PREX2: variants seen among roughly 807,000 people sequenced by gnomAD.
The protein encoded by PREX2 is phosphatidylinositol 3,4,5-trisphosphate-dependent Rac exchanger 2 protein.
PREX2 carries 107 observed loss-of-function variants against 203.2 expected under a neutral mutation model. The observed-to-expected ratio is 0.53, with a 90% CI of 0.45 to 0.62. The LOEUF is 0.62. Among genes scored for constraint, PREX2 ranks in the 20% least tolerant of loss-of-function variants. The pLI is 0.00. For synonymous variants in PREX2, 672 were observed against 663.6 expected, an observed-to-expected ratio of 1.01 and a Z score of -0.19; for missense variants, 1,777 against 1,955.9, an observed-to-expected ratio of 0.91 and a Z score of 1.72.
intron 8 of PREX2, among the ~76,000 whole-genome samples, chr8:68,047,183 C>A (rs968488442): frequency 9.2e-5 from 14 of 151,906 alleles, no homozygotes; most frequent in African/African-American, 3.4e-4. Flanking sequence ...GCTGCATGAA[C>A]TTTCTTCCTT....
intron 31 of PREX2, among the ~76,000 whole-genome samples, chr8:68,132,561 C>T (rs1811029028): frequency 6.6e-6 from 1 of 152,008 alleles, no homozygotes; most frequent in Admixed American, 6.6e-5. Context: ...ATCATAGAAA[C>T]TAAATTATGT....
At chr8:68,007,842 C>A (rs529679407) in intron 1 of PREX2, among the ~76,000 whole-genome samples, 1 of 152,224 alleles carries the variant, frequency 6.6e-6, no homozygotes, top group African/African-American at 2.4e-5. Context: ...ATCTCCTGAC[C>A]TCATGATCCG....
At chr8:68,095,638 A>AAT (rs1810046161) in intron 21 of PREX2, among the ~76,000 whole-genome samples, 1 of 121,652 alleles carries the variant, frequency 8.2e-6, no homozygotes, top group Non-Finnish European at 1.7e-5. Flanking sequence ...TTTCCTTTCC[A>AAT]TTTTTTTTTT....
intron 1 of PREX2, among the ~76,000 whole-genome samples, chr8:67,976,681 CAGGAGAGAGACAGAG>C (rs1563480354): frequency 3.5e-5 from 2 of 57,920 alleles, no homozygotes; most frequent in Admixed American, 2.7e-4. Context: ...GAGAGAGAGA[CAGGAGAGAGACAGAG>C]AGAGAGAGAC....
rs746695075 is a variant in PREX2 at position 68,038,192 on chromosome 8, C to A, written c.739C>A (p.Leu247Ile). 8 of 1,613,596 alleles carry A rather than the reference C, an allele frequency of 5.0e-6. No homozygotes were observed. In the South Asian group the frequency reaches 8.8e-5, roughly 18 times the overall value. Residue 247 changes from leucine to isoleucine, a missense_variant, in exon 7 of 40, where the codon CTA becomes ATA. Physicochemically the swap from Leu to Ile is conservative, Grantham distance 5. Coordinates refer to ENST00000288368, the MANE Select transcript of PREX2 (RefSeq NM_024870.4). ...CATCACTGACACCTGCACTGAAATG[C>A]TAATGTGTGGAGTCTTACTGAAAAT... The part of the protein sequence containing the change: ...SNITDTCTEM[L>I]MCGVLLKISS...
chr8:68,134,022 T>G (rs771155090), intron 31 of PREX2, 37 bp from the exon 32 acceptor site: 21 of 1,560,278 alleles, frequency 1.3e-5, no homozygotes, highest in Non-Finnish European at 1.9e-5. Flanking sequence ...ATCTGCAACA[T>G]TTTTCGAAGC....
At position 68,236,011 on chromosome 8, in the gene PREX2, A is replaced by G. The variant is rs1161798548; in HGVS notation, c.*4633A>G. The G allele has an allele frequency of 6.6e-6, 1 of 152,160 alleles. No homozygotes were observed. Among genetic ancestry groups the G allele is most frequent in the Non-Finnish European group, 1.5e-5 (1 of 68,020 alleles). The allele number at this position is 152,160 out of a possible 1,614,324, so 9.4% of individuals were successfully genotyped here. A position where few individuals can be genotyped will look rare whatever the true frequency, so the allele number is the denominator to read the frequency against. On this transcript the variant is annotated 3_prime_UTR_variant, in exon 40 of 40. Coordinates refer to ENST00000288368, the MANE Select transcript of PREX2 (RefSeq NM_024870.4). ...TATGTATATGCCTATATATATTATT[A>G]TATTTACTAGTGTTTGTGATAATGT...
chr8:68,194,749 G>A (rs998914044), intron 37 of PREX2, among the ~76,000 whole-genome samples: 5 of 151,592 alleles, frequency 3.3e-5, no homozygotes, highest in Non-Finnish European at 5.9e-5. Context: ...CGCAGTGAGC[G>A]GAGATCATGT....
chr8:68,099,464 T>C (rs2129612558), intron 22 of PREX2, among the ~76,000 whole-genome samples: 1 of 152,298 alleles, frequency 6.6e-6, no homozygotes, highest in East Asian at 1.9e-4. Flanking sequence ...AACAGACAAG[T>C]CAGATCACTT....
intron 38 of PREX2, among the ~76,000 whole-genome samples, chr8:68,223,587 GGA>G (rs989682289): frequency 1.3e-5 from 2 of 151,908 alleles, no homozygotes; most frequent in East Asian, 1.9e-4. Context: ...TGTAGTAGCT[GGA>G]GAGAGAGTTT....
intron 8 of PREX2, among the ~76,000 whole-genome samples, chr8:68,049,667 T>C (rs1808464589): frequency 6.6e-6 from 1 of 152,150 alleles, no homozygotes; most frequent in Admixed American, 6.6e-5. Context: ...AGAATGGCAA[T>C]TTAAAACCTA....
chr8:67,957,108 G>T (rs1257716570), intron 1 of PREX2, among the ~76,000 whole-genome samples: 1 of 152,190 alleles, frequency 6.6e-6, no homozygotes, highest in African/African-American at 2.4e-5. Flanking sequence ...GTTATAAAGA[G>T]CCATGCCTAT....
At chr8:68,006,253 A>T (rs1807089601) in intron 1 of PREX2, among the ~76,000 whole-genome samples, 4 of 152,092 alleles carry the variant, frequency 2.6e-5, no homozygotes, top group African/African-American at 9.7e-5. Flanking sequence ...TGCTGTCCTA[A>T]ATTAGGTATC....
intron 1 of PREX2, among the ~76,000 whole-genome samples, chr8:67,975,195 C>T (rs150640530): frequency 4.6e-5 from 7 of 151,354 alleles, no homozygotes; most frequent in East Asian, 1.9e-4. Context: ...TTCATGGTCT[C>T]CTCTAGTCGG....
intron 31 of PREX2, among the ~76,000 whole-genome samples, chr8:68,127,642 T>C (rs1292606758): frequency 6.6e-6 from 1 of 151,616 alleles, no homozygotes; most frequent in Non-Finnish European, 1.5e-5. Context: ...ATACTTGTAT[T>C]CTCTTATAAG....
At chr8:68,135,099 T>TTGTGTGTGTGTG (rs9298129) in intron 32 of PREX2, among the ~76,000 whole-genome samples, 4,121 of 148,872 alleles carry the variant, frequency 0.028, 80 homozygotes, top group South Asian at 0.067. Flanking sequence ...AAAACAAATT[T>TTGTGTGTGTGTG]TGTGTGTGTG....
In PREX2 at chr8:68,025,088, G is replaced by T. The variant is rs193102757; in HGVS notation, c.442-2134G>T. On this transcript the variant is annotated intron_variant, in intron 4 of 39. Transcript: ENST00000288368. The stretch of plus-strand genomic sequence containing the variant: ...GTTATGTACACATTTACCATCTCTG[G>T]TGCTCTTATTTCTTCCTGTGTATTT... Among the ~76,000 whole-genome samples the T allele has an allele frequency of 3.1e-3, 465 of 151,782 alleles. 8 individuals are homozygous for T. Among genetic ancestry groups the T allele is most frequent in the African/African-American group, 9.7e-3 (401 of 41,426 alleles).
intron 25 of PREX2, 101 bp downstream of exon 25, chr8:68,109,724 TAGG>T (rs1330057626): frequency 1.0e-6 from 1 of 1,001,498 alleles, no homozygotes; most frequent in Non-Finnish European, 1.5e-6. Context: ...ATTGGAAATT[TAGG>T]AGATTTGTGC....
intron 35 of PREX2, among the ~76,000 whole-genome samples, chr8:68,184,069 A>C (rs190304610): frequency 5.3e-5 from 8 of 152,272 alleles, no homozygotes; most frequent in African/African-American, 1.9e-4. Flanking sequence ...ACGTAACTTT[A>C]AGTAAAATGC....
Sources: gnomAD v4.1 joint callset for allele counts (sites outside exome capture counted in the v4.1 genomes callset) on GRCh38, gnomAD v4.1.1 for gene constraint, MANE v1.5 for transcripts, NCBI Gene and HGNC (gene_info 2026-07-23, HGNC 2026-07-21) for gene names.